Variants in ZEB1 observed in about 807,000 individuals in gnomAD.
ZEB1 encodes zinc finger E-box binding homeobox 1.
Under a neutral mutation model 84.9 loss-of-function variants are expected in ZEB1, and 21 were observed. That is an observed-to-expected ratio of 0.25 (90% CI 0.18 to 0.36). The LOEUF (loss-of-function observed/expected upper bound fraction) is 0.36, where lower values mean the gene tolerates loss of function less well. Ranked by LOEUF, ZEB1 falls within the 10% of genes least tolerant of loss-of-function variation. The pLI, the probability that ZEB1 is intolerant of heterozygous loss-of-function variation, is 1.00. For synonymous variants in ZEB1, 420 were observed against 471.1 expected (o/e 0.89, Z 1.41); for missense variants, 1,104 against 1,330.2 (o/e 0.83, Z 2.65).
chr10:31,520,767 A>G lies in ZEB1; in HGVS notation c.1435A>G (p.Ser479Gly). 3 of 1,614,106 alleles carry G rather than the reference A, an allele frequency of 1.9e-6. No individual in the cohort carries two copies. The highest frequency in any genetic ancestry group is 1.7e-6 in the Non-Finnish European group (2 of 1,180,002). The change falls in exon 7 of 9, where the codon AGT (serine) becomes GGT (glycine). Residue 479 changes from serine (S) to glycine (G), a missense_variant. Around this residue, in one of 7 missense-constraint regions of ZEB1, gnomAD observed 531 missense variants for 575.2 expected, o/e 0.92. Coordinates refer to ENST00000424869, the MANE Select transcript of ZEB1 (RefSeq NM_001174096.2). This position sits in a 1 kb window ranked among gnomAD's most constrained non-coding sequence, Gnocchi z 5.1. ...AACAACCAAAATTATCATCAACTAC[A>G]GTCTTGAGCAGCCTAGCCAACTTCA... ...DGTTKIIINY[S>G]LEQPSQLQVV... is the part of the protein sequence containing the mutation.
intron 1 of ZEB1, among the ~76,000 whole-genome samples, chr10:31,351,783 A>G (rs964442788): frequency 3.9e-5 from 6 of 152,202 alleles, no homozygotes; most frequent in African/African-American, 1.4e-4. Context: ...ATTTCATGGT[A>G]TAACAAGACT....
At chr10:31,508,689 G>A (rs1422678242) in intron 4 of ZEB1, among the ~76,000 whole-genome samples, 1 of 152,114 alleles carries the variant, frequency 6.6e-6, no homozygotes, top group Non-Finnish European at 1.5e-5. Flanking sequence ...TATCATGGCA[G>A]GGGCAGGATG....
At chr10:31,431,765 A>G (rs2057741751) in intron 1 of ZEB1, among the ~76,000 whole-genome samples, 1 of 152,216 alleles carries the variant, frequency 6.6e-6, no homozygotes, top group Non-Finnish European at 1.5e-5. Flanking sequence ...ACTTTCAATC[A>G]GATGTACAGA....
At chr10:31,503,470 C>G (rs1301093691) in intron 4 of ZEB1, among the ~76,000 whole-genome samples, 1 of 151,988 alleles carries the variant, frequency 6.6e-6, no homozygotes, top group Non-Finnish European at 1.5e-5. Flanking sequence ...TTTGCTTCAT[C>G]CATTGATGTA....
At chr10:31,522,375 C>T (rs2072598916) in intron 7 of ZEB1, among the ~76,000 whole-genome samples, 1 of 152,142 alleles carries the variant, frequency 6.6e-6, no homozygotes, top group East Asian at 1.9e-4. Flanking sequence ...CTTTTATATA[C>T]TAATACATCT....
At chr10:31,460,988 A>T in intron 1 of ZEB1, 49 bp from the exon 2 acceptor site, 1 of 1,447,078 alleles carries the variant, frequency 6.9e-7, no homozygotes, top group Non-Finnish European at 9.7e-7. Context: ...GTAAAAACTG[A>T]TTGTTTTACT....
intron 6 of ZEB1, among the ~76,000 whole-genome samples, chr10:31,519,479 C>A (rs1592074777): frequency 6.6e-6 from 1 of 152,126 alleles, no homozygotes; most frequent in African/African-American, 2.4e-5. Context: ...AATGTTTTAT[C>A]ATATCCACTG....
intron 2 of ZEB1, among the ~76,000 whole-genome samples, chr10:31,477,723 A>G (rs2064436939): frequency 6.6e-6 from 1 of 151,938 alleles, no homozygotes; most frequent in Admixed American, 6.6e-5. Context: ...CCTACAACCA[A>G]CTGACTTTCA....
intron 1 of ZEB1, among the ~76,000 whole-genome samples, chr10:31,429,915 A>G (rs1404872757): frequency 2.6e-5 from 4 of 151,438 alleles, no homozygotes; most frequent in Admixed American, 6.6e-5. Flanking sequence ...TAATTTTTGT[A>G]TTTCTAGCAG....
At chr10:31,453,883 G>C (rs1402439990) in intron 1 of ZEB1, among the ~76,000 whole-genome samples, 2 of 152,096 alleles carry the variant, frequency 1.3e-5, no homozygotes, top group African/African-American at 4.8e-5. Context: ...AATAGAAAAA[G>C]AGGGAATCCT....
chr10:31,432,490 G>A (rs955766638), intron 1 of ZEB1, among the ~76,000 whole-genome samples: 2 of 152,296 alleles, frequency 1.3e-5, no homozygotes, highest in South Asian at 4.1e-4. Context: ...TCAGGAGGCT[G>A]AGGAAGGAGG....
intron 1 of ZEB1, among the ~76,000 whole-genome samples, chr10:31,355,481 A>G (rs2041970115): frequency 6.6e-6 from 1 of 152,202 alleles, no homozygotes. Context: ...TAAACAAATA[A>G]TTATAACTAA....
chr10:31,452,961 CAA>C (rs1285549362), intron 1 of ZEB1, among the ~76,000 whole-genome samples: 1 of 151,992 alleles, frequency 6.6e-6, no homozygotes, highest in African/African-American at 2.4e-5. Context: ...GAACACAACT[CAA>C]AGTGTATGTA....
At chr10:31,358,449 C>A (rs1343716056) in intron 1 of ZEB1, 2 of 152,008 alleles carry the variant, frequency 1.3e-5, no homozygotes, top group Admixed American at 1.3e-4. Flanking sequence ...CCCAAAAATT[C>A]TCTTCTCATT....
chr10:31,469,435 CAAAG>C (rs2062882533), intron 2 of ZEB1, among the ~76,000 whole-genome samples: 9 of 152,160 alleles, frequency 5.9e-5, no homozygotes, highest in Admixed American at 5.9e-4. Flanking sequence ...CTTTCCTAGT[CAAAG>C]AAAGGGGTGA....
At chr10:31,519,286 G>A (rs941157889) in intron 6 of ZEB1, among the ~76,000 whole-genome samples, 1 of 152,026 alleles carries the variant, frequency 6.6e-6, no homozygotes, top group African/African-American at 2.4e-5. Flanking sequence ...CATTTAGCTC[G>A]GTGCTTTCAA....
intron 1 of ZEB1, among the ~76,000 whole-genome samples, chr10:31,387,981 T>A (rs2048938733): frequency 6.6e-6 from 1 of 152,190 alleles, no homozygotes. Flanking sequence ...CAAATTAATG[T>A]CTGTGCTTTA....
intron 6 of ZEB1, among the ~76,000 whole-genome samples, chr10:31,519,085 A>G (rs1267967907): frequency 6.6e-6 from 1 of 152,186 alleles, no homozygotes; most frequent in South Asian, 2.1e-4. Flanking sequence ...ACAATTAGCC[A>G]TTCACTCATC....
At chr10:31,400,422 T>C (rs565674494) in intron 1 of ZEB1, among the ~76,000 whole-genome samples, 8 of 152,316 alleles carry the variant, frequency 5.3e-5, no homozygotes, top group African/African-American at 1.9e-4. Flanking sequence ...AATATGACTG[T>C]ATACATTGGT....
Sources: allele counts gnomAD v4.1 joint callset (sites outside exome capture counted in the v4.1 genomes callset), GRCh38; gene constraint gnomAD v4.1.1; regional missense constraint gnomAD v4.1.1; non-coding constraint Gnocchi (gnomAD v3.1); transcripts MANE v1.5; gene names NCBI Gene and HGNC (gene_info 2026-07-23, HGNC 2026-07-21).